CACNA1H: variants seen among roughly 807,000 people sequenced by gnomAD.
CACNA1H encodes voltage-dependent T-type calcium channel subunit alpha-1H.
In CACNA1H, 149 loss-of-function variants were observed where a neutral mutation model predicts 192.5. The ratio of observed to expected loss-of-function variants is 0.77; its 90% CI spans 0.68 to 0.89. The LOEUF (loss-of-function observed/expected upper bound fraction) is 0.89, where lower values mean the gene tolerates loss of function less well. Ranked by LOEUF, CACNA1H falls within the 40% of genes least tolerant of loss-of-function variation. The pLI is 0.00. For synonymous variants in CACNA1H, 2,202 were observed against 1,475.2 expected (o/e 1.49, Z -11.29); for missense variants, 4,257 against 3,423.5 (o/e 1.24, Z -6.08).
chr16:1,201,464 C>T (rs1352877724), intron 8 of CACNA1H, among the ~76,000 whole-genome samples, 199 bp from the exon 9 acceptor site: 2 of 152,158 alleles, frequency 1.3e-5, no homozygotes, highest in Non-Finnish European at 2.9e-5. Flanking sequence ...CAGATAGGCA[C>T]AAAGCAGCTA....
At chr16:1,211,039 C>T in intron 21 of CACNA1H, 68 bp downstream of exon 21, 6 of 1,557,124 alleles carry the variant, frequency 3.9e-6, no homozygotes, top group South Asian at 1.2e-5. Flanking sequence ...CTGCCCATTA[C>T]TCCTCCCGCA....
intron 9 of CACNA1H, among the ~76,000 whole-genome samples, chr16:1,203,218 G>C (rs2141270833): frequency 6.6e-6 from 1 of 152,324 alleles, no homozygotes; most frequent in East Asian, 1.9e-4. Context: ...CAGCCGCTGT[G>C]TGTTATAAGA....
chr16:1,158,868 C>T (rs1332464904), intron 2 of CACNA1H, among the ~76,000 whole-genome samples: 1 of 148,386 alleles, frequency 6.7e-6, no homozygotes, highest in Non-Finnish European at 1.5e-5. Context: ...GCCCGCACCC[C>T]TGGCCCCGCA....
intron 2 of CACNA1H, among the ~76,000 whole-genome samples, chr16:1,191,031 G>T (rs1966565676): frequency 7.0e-6 from 1 of 142,784 alleles, no homozygotes; most frequent in Non-Finnish European, 1.5e-5. Context: ...CACACTCGGG[G>T]TCTCTGACCC....
At chr16:1,198,393 C>A (rs1428558755) in intron 5 of CACNA1H, among the ~76,000 whole-genome samples, 1 of 152,164 alleles carries the variant, frequency 6.6e-6, no homozygotes, top group Non-Finnish European at 1.5e-5. Context: ...ACGTCAGACC[C>A]CAGGGTGTCA....
chr16:1,201,141 G>T (rs1210267055), intron 8 of CACNA1H, among the ~76,000 whole-genome samples: 1 of 152,158 alleles, frequency 6.6e-6, no homozygotes, highest in Non-Finnish European at 1.5e-5. Context: ...ATAGGCCCCA[G>T]TGGGTCCTGG....
chr16:1,186,415 T>G (rs1401259873), intron 2 of CACNA1H, among the ~76,000 whole-genome samples: 1 of 152,032 alleles, frequency 6.6e-6, no homozygotes, highest in African/African-American at 2.4e-5. Flanking sequence ...GGGCCTGGAT[T>G]CGCCGTGCAG....
chr16:1,168,050 C>T (rs905975888), intron 2 of CACNA1H, among the ~76,000 whole-genome samples: 23 of 152,282 alleles, frequency 1.5e-4, no homozygotes, highest in Admixed American at 9.1e-4. Flanking sequence ...TGTAAGGAGC[C>T]GCTGTGCCTA....
chr16:1,175,603 C>T (rs1964801853), intron 2 of CACNA1H, among the ~76,000 whole-genome samples: 1 of 152,254 alleles, frequency 6.6e-6, no homozygotes, highest in Non-Finnish European at 1.5e-5. Flanking sequence ...CCACTGCTGA[C>T]AGCTGGCCCC....
At chr16:1,217,627 A>G (rs780243270) in intron 31 of CACNA1H, among the ~76,000 whole-genome samples, 5 of 152,086 alleles carry the variant, frequency 3.3e-5, no homozygotes, top group Non-Finnish European at 7.4e-5. Flanking sequence ...GCGCCTACTC[A>G]TCCCCCGCCA....
intron 4 of CACNA1H, among the ~76,000 whole-genome samples, 158 bp from the exon 5 acceptor site, chr16:1,195,768 T>C (rs1966890798): frequency 6.6e-6 from 1 of 152,118 alleles, no homozygotes; most frequent in South Asian, 2.1e-4. Context: ...GACCAAGCGT[T>C]GTGCTCCTGC....
chr16:1,214,592 A>G (rs1201526424), intron 27 of CACNA1H, among the ~76,000 whole-genome samples: 2 of 152,098 alleles, frequency 1.3e-5, no homozygotes, highest in African/African-American at 2.4e-5. Flanking sequence ...CCATGTCCCC[A>G]TGTCCCCGAG....
At chr16:1,198,795 T>C (rs747009069) in intron 6 of CACNA1H, 21 bp downstream of exon 6, 12 of 1,597,972 alleles carry the variant, frequency 7.5e-6, no homozygotes, top group Non-Finnish European at 1.0e-5. Context: ...CCCACCCCCG[T>C]GAGGCCCCTG....
chr16:1,211,014 A>G lies in CACNA1H; in HGVS notation c.4223+43A>G, dbSNP rs746070400. On this transcript the variant is annotated intron_variant, in intron 21 of 34. Transcript: ENST00000348261. ...GGCTCCCGGGGCAACCTGGAAGCAC[A>G]GTCCCCTGACGCCACTGCCCATTAC... 5 of 1,576,182 alleles carry G rather than the reference A, an allele frequency of 3.2e-6. No homozygotes were observed. In the African/African-American group the frequency reaches 6.7e-5, roughly 21 times the overall value.
rs369480494 is a variant in CACNA1H, at chr16:1,206,066, T to C, written c.2604-38T>C. 112 of 1,520,434 alleles carry C rather than the reference T, an allele frequency of 7.4e-5. No individual in the cohort carries two copies. The African/African-American group carries it at 1.5e-3, about 20-fold the overall frequency. 94.2% of individuals were successfully genotyped at this position (1,520,434 alleles called of 1,614,324 possible). On this transcript the variant is annotated intron_variant, in intron 11 of 34. Coordinates refer to ENST00000348261, the MANE Select transcript of CACNA1H (RefSeq NM_021098.3). ...TGGGACGAGGGCCTGGGGTCAGGGATCGTGGCCCCGCTGACCCTCGCCCCC... is the reference window on the plus strand; with the variant it reads ...TGGGACGAGGGCCTGGGGTCAGGGACCGTGGCCCCGCTGACCCTCGCCCCC...
chr16:1,213,985 C>G, intron 27 of CACNA1H, 54 bp downstream of exon 27: 1 of 1,473,206 alleles, frequency 6.8e-7, no homozygotes, highest in South Asian at 1.2e-5. Context: ...CCCAGTGGGG[C>G]AGCCAACACA....
intron 2 of CACNA1H, among the ~76,000 whole-genome samples, chr16:1,155,325 G>A (rs1038576754): frequency 1.3e-5 from 2 of 152,194 alleles, no homozygotes; most frequent in Admixed American, 6.5e-5. Flanking sequence ...TGGTGTCTGC[G>A]AGTAGGTGGG....
rs1170930608 is a variant in CACNA1H at position 1,217,110 on chromosome 16, G to T, written c.5323+100G>T. 7 of 1,080,966 alleles carry T rather than the reference G, an allele frequency of 6.5e-6. No individual in the cohort carries two copies. In the East Asian group the frequency reaches 1.8e-4, roughly 28 times the overall value. 67.0% of individuals were successfully genotyped at this position (1,080,966 alleles called of 1,614,324 possible). On this transcript the variant is annotated intron_variant, in intron 31 of 34. Transcript: ENST00000348261. ...GCAGGCACATGCTTGCAAATAGCGT[G>T]GGGCCTGATCAGGGCCACACGCCTC...
chr16:1,178,869 G>A (rs7184761), intron 2 of CACNA1H, among the ~76,000 whole-genome samples: 3,571 of 152,322 alleles, frequency 0.023, 116 homozygotes, highest in African/African-American at 0.077. Context: ...AGGAAGGACC[G>A]AACGGTGGCA....
Sources: gnomAD v4.1 joint callset for allele counts (sites outside exome capture counted in the v4.1 genomes callset) on GRCh38, gnomAD v4.1.1 for gene constraint, MANE v1.5 for transcripts, NCBI Gene and HGNC (gene_info 2026-07-23, HGNC 2026-07-21) for gene names.